AGBL4: variants seen among roughly 807,000 people sequenced by gnomAD.
The protein encoded by AGBL4 is cytosolic carboxypeptidase 6.
In AGBL4, 58 loss-of-function variants were observed where a neutral mutation model predicts 66.4. That is an observed-to-expected ratio of 0.87 (90% CI 0.71 to 1.09). AGBL4 has a LOEUF of 1.09. Among genes scored for constraint, AGBL4 ranks in the 50% least tolerant of loss-of-function variants. AGBL4 has a pLI of 0.00. For missense variants in AGBL4, 579 were observed against 631.0 expected, an observed-to-expected ratio of 0.92 and a Z score of 0.88; for synonymous variants, 234 against 222.9, an observed-to-expected ratio of 1.05 and a Z score of -0.44.
chr1:49,257,049 T>C (rs1310990114), intron 3 of AGBL4, among the ~76,000 whole-genome samples: 2 of 151,180 alleles, frequency 1.3e-5, no homozygotes, highest in Non-Finnish European at 2.9e-5. Flanking sequence ...GTTTTTTTTT[T>C]TACAAAAAGC....
chr1:49,390,771 T>C (rs1644828788), intron 3 of AGBL4, among the ~76,000 whole-genome samples: 1 of 152,220 alleles, frequency 6.6e-6, no homozygotes, highest in African/African-American at 2.4e-5. Context: ...TTTGGCCCAC[T>C]AGCAACTACC....
At chr1:49,545,597 A>G (rs1351076729) in intron 3 of AGBL4, among the ~76,000 whole-genome samples, 1 of 152,208 alleles carries the variant, frequency 6.6e-6, no homozygotes, top group African/African-American at 2.4e-5. Context: ...CTGGAATTTT[A>G]ACTCTGATCT....
intron 3 of AGBL4, among the ~76,000 whole-genome samples, chr1:49,305,698 T>A (rs2148452107): frequency 6.6e-6 from 1 of 151,718 alleles, no homozygotes; most frequent in East Asian, 1.9e-4. Context: ...ATCATTCCTT[T>A]TTTTTTTTTT....
chr1:49,928,321 G>A (rs538135355), intron 1 of AGBL4, among the ~76,000 whole-genome samples: 48 of 152,224 alleles, frequency 3.2e-4, no homozygotes, highest in African/African-American at 1.1e-3. Context: ...CAGGATCTCA[G>A]CTCACTGCAA....
chr1:48,658,769 T>C (rs1646060170), intron 7 of AGBL4, among the ~76,000 whole-genome samples: 3 of 152,066 alleles, frequency 2.0e-5, no homozygotes, highest in Admixed American at 2.0e-4. Flanking sequence ...CACTACCTCA[T>C]TGACAGGAAG....
chr1:48,552,001 C>T (rs1644255845), intron 11 of AGBL4, among the ~76,000 whole-genome samples: 1 of 152,156 alleles, frequency 6.6e-6, no homozygotes, highest in Admixed American at 6.5e-5. Flanking sequence ...GGTATTTGGA[C>T]TTCAGACCAC....
chr1:49,774,645 C>A (rs1644151289), intron 2 of AGBL4, among the ~76,000 whole-genome samples: 1 of 152,170 alleles, frequency 6.6e-6, no homozygotes, highest in African/African-American at 2.4e-5. Flanking sequence ...TTTCTTCTCT[C>A]ATTTTGACTT....
At chr1:49,595,279 C>A (rs779130576) in intron 3 of AGBL4, among the ~76,000 whole-genome samples, 4 of 151,912 alleles carry the variant, frequency 2.6e-5, no homozygotes, top group African/African-American at 9.7e-5. Flanking sequence ...TTAGTAGAGA[C>A]GGGGTTTCAC....
intron 3 of AGBL4, among the ~76,000 whole-genome samples, chr1:49,602,669 A>G (rs1268372557): frequency 6.6e-6 from 1 of 151,884 alleles, no homozygotes; most frequent in African/African-American, 2.4e-5. Flanking sequence ...AGGGAGGGGA[A>G]CATCACACAC....
chr1:49,245,826 C>T lies in AGBL4; in HGVS notation c.321G>A (p.Lys107=), dbSNP rs1173959427. 3 of 1,549,480 alleles carry T rather than the reference C, an allele frequency of 1.9e-6. No homozygotes were observed. In the Admixed American group the frequency reaches 5.9e-5, roughly 30 times the overall value. Reference sequence around the variant, plus strand: ...GGGCCATCCCATCTCTATAGAGACTCTTGGTTTTACTGAAGTTAACAATGT... The same window carrying T: ...GGGCCATCCCATCTCTATAGAGACTTTTGGTTTTACTGAAGTTAACAATGT... ...IFNIVNFSKT[K]SLYRDGMAPM... Residue 107 remains lysine, a synonymous_variant, in exon 4 of 14, where the codon AAG becomes AAA. Coordinates refer to ENST00000371839, the MANE Select transcript of AGBL4 (RefSeq NM_032785.4).
intron 1 of AGBL4, among the ~76,000 whole-genome samples, chr1:49,943,517 G>A (rs753163564): frequency 9.2e-5 from 14 of 152,072 alleles, no homozygotes; most frequent in Non-Finnish European, 1.6e-4. Context: ...ACCCTGACTG[G>A]GGAACCTGAA....
intron 3 of AGBL4, among the ~76,000 whole-genome samples, chr1:49,623,807 C>CT (rs1292487495): frequency 6.6e-6 from 1 of 152,184 alleles, no homozygotes; most frequent in East Asian, 1.9e-4. Flanking sequence ...CACCATATCC[C>CT]TTGTGCAGGG....
chr1:49,708,868 G>A (rs1647410695), intron 2 of AGBL4, among the ~76,000 whole-genome samples: 1 of 152,066 alleles, frequency 6.6e-6, no homozygotes, highest in African/African-American at 2.4e-5. Context: ...TGTTTGCCTG[G>A]GTATCACCAG....
intron 1 of AGBL4, among the ~76,000 whole-genome samples, chr1:49,976,019 G>T (rs968046717): frequency 6.6e-6 from 1 of 152,138 alleles, no homozygotes; most frequent in Non-Finnish European, 1.5e-5. Context: ...CTGTTTAAGA[G>T]AACTGGCTTG....
intron 1 of AGBL4, among the ~76,000 whole-genome samples, chr1:50,001,507 G>GTA (rs59228663): frequency 0.29 from 42,236 of 147,518 alleles, 5,957 homozygotes; most frequent in East Asian, 0.38. Context: ...ATGTGTGTGT[G>GTA]TATATATATA....
chr1:48,814,034 G>A (rs1034000074), intron 6 of AGBL4, among the ~76,000 whole-genome samples: 1 of 152,096 alleles, frequency 6.6e-6, no homozygotes, highest in Non-Finnish European at 1.5e-5. Flanking sequence ...AATTGGCTGA[G>A]ATGAGGTTAG....
intron 1 of AGBL4, among the ~76,000 whole-genome samples, chr1:49,877,685 G>C (rs564296446): frequency 1.2e-3 from 176 of 152,082 alleles, no homozygotes; most frequent in Non-Finnish European, 1.6e-3. Flanking sequence ...AAATGAGTTA[G>C]GGAGGATTCC....
intron 5 of AGBL4, among the ~76,000 whole-genome samples, chr1:48,867,830 A>G (rs1382903386): frequency 1.3e-5 from 2 of 152,198 alleles, no homozygotes; most frequent in Admixed American, 6.5e-5. Flanking sequence ...ATATTCACAC[A>G]GAATAATATT....
intron 9 of AGBL4, among the ~76,000 whole-genome samples, chr1:48,617,661 T>A (rs917376988): frequency 2.6e-5 from 4 of 152,194 alleles, no homozygotes; most frequent in African/African-American, 9.7e-5. Flanking sequence ...ACCTTTTTTC[T>A]GTCCTACGGG....
Sources: gnomAD v4.1 joint callset for allele counts (sites outside exome capture counted in the v4.1 genomes callset) on GRCh38, gnomAD v4.1.1 for gene constraint, MANE v1.5 for transcripts, NCBI Gene and HGNC (gene_info 2026-07-23, HGNC 2026-07-21) for gene names.